CDH13: variants seen among roughly 807,000 people sequenced by gnomAD.
CDH13 encodes the protein cadherin 13.
CDH13 carries 24 observed loss-of-function variants against 63.8 expected under a neutral mutation model. The ratio of observed to expected loss-of-function variants is 0.38; its 90% CI spans 0.27 to 0.53. CDH13 has a LOEUF of 0.53. Among genes scored for constraint, CDH13 ranks in the 20% least tolerant of loss-of-function variants. The pLI is 0.85. For missense variants in CDH13, 1,049 were observed against 903.1 expected (o/e 1.16, Z -2.07); for synonymous variants, 503 against 355.3 (o/e 1.42, Z -4.67).
At chr16:82,938,919 G>C (rs990601911) in intron 2 of CDH13, among the ~76,000 whole-genome samples, 1 of 152,104 alleles carries the variant, frequency 6.6e-6, no homozygotes, top group African/African-American at 2.4e-5. Flanking sequence ...AAAGGGTGTT[G>C]ATTTGGGAAC....
chr16:83,754,066 C>T (rs1002008289), intron 11 of CDH13, among the ~76,000 whole-genome samples: 1 of 151,962 alleles, frequency 6.6e-6, no homozygotes, highest in Admixed American at 6.6e-5. Flanking sequence ...TCACAGGGAG[C>T]TTTTGTGACA....
chr16:83,022,669 T>C (rs1915451242), intron 2 of CDH13, among the ~76,000 whole-genome samples: 1 of 152,162 alleles, frequency 6.6e-6, no homozygotes, highest in Admixed American at 6.5e-5. Context: ...GGGTGACTGA[T>C]TCAGAGCCTG....
At chr16:83,172,926 T>C (rs1195097409) in intron 4 of CDH13, among the ~76,000 whole-genome samples, 2 of 152,066 alleles carry the variant, frequency 1.3e-5, no homozygotes, top group Non-Finnish European at 2.9e-5. Context: ...GTCAAAGGGA[T>C]TTATTTGATG....
chr16:83,520,559 C>A (rs74657992), intron 7 of CDH13, among the ~76,000 whole-genome samples: 3 of 152,122 alleles, frequency 2.0e-5, no homozygotes, highest in African/African-American at 7.2e-5. Context: ...TGTGTCTCGA[C>A]GTCATTGCAT....
At chr16:82,793,833 A>G (rs1338545874) in intron 1 of CDH13, among the ~76,000 whole-genome samples, 1 of 152,172 alleles carries the variant, frequency 6.6e-6, no homozygotes, top group East Asian at 1.9e-4. Flanking sequence ...GCAACACTTG[A>G]AGCAGGAAGA....
intron 4 of CDH13, among the ~76,000 whole-genome samples, chr16:83,193,551 C>G (rs1482935513): frequency 6.6e-6 from 1 of 152,174 alleles, no homozygotes. Flanking sequence ...GCAGTGGAAG[C>G]CTGTGTGGTC....
At chr16:82,974,198 C>G (rs1416917319) in intron 2 of CDH13, among the ~76,000 whole-genome samples, 1 of 152,228 alleles carries the variant, frequency 6.6e-6, no homozygotes, top group Non-Finnish European at 1.5e-5. Flanking sequence ...CTCGGCCTCA[C>G]AAAGTGCTAG....
At chr16:83,146,796 C>T (rs555235607) in intron 4 of CDH13, among the ~76,000 whole-genome samples, 1 of 152,128 alleles carries the variant, frequency 6.6e-6, no homozygotes, top group African/African-American at 2.4e-5. Flanking sequence ...TTTAAAAAGG[C>T]CAGGGATGGG....
chr16:82,667,362 G>A (rs1912714069), intron 1 of CDH13, among the ~76,000 whole-genome samples: 1 of 152,218 alleles, frequency 6.6e-6, no homozygotes, highest in Non-Finnish European at 1.5e-5. Flanking sequence ...CCATCCCCAA[G>A]TGCAACTGAT....
chr16:83,148,826 A>G (rs1335511211), intron 4 of CDH13, among the ~76,000 whole-genome samples: 1 of 152,136 alleles, frequency 6.6e-6, no homozygotes, highest in African/African-American at 2.4e-5. Flanking sequence ...TCATTCAAAA[A>G]TATTTACTCT....
At position 82,866,961 on chromosome 16, in the gene CDH13, G is replaced by A. The variant is rs539789667; in HGVS notation, c.157+8488G>A. 3.1e-3 allele frequency among the ~76,000 whole-genome samples: 474 copies of A among 152,278 alleles called. 2 individuals carry two copies. The highest frequency in any genetic ancestry group is 0.01 in the African/African-American group (422 of 41,556). On this transcript the variant is annotated intron_variant, in intron 2 of 13. Transcript: ENST00000567109. ...CAGTTCAAGATGAGATTTGGGTGGG[G>A]CCACAAAGCCTAACCATATTAGGAA...
chr16:83,074,677 C>T (rs1314707765), intron 3 of CDH13, among the ~76,000 whole-genome samples: 1 of 152,204 alleles, frequency 6.6e-6, no homozygotes, highest in Non-Finnish European at 1.5e-5. Flanking sequence ...TTTGCAATGA[C>T]TGATTTCTAT....
At chr16:83,012,071 A>G (rs1464931402) in intron 2 of CDH13, among the ~76,000 whole-genome samples, 1 of 152,190 alleles carries the variant, frequency 6.6e-6, no homozygotes, top group East Asian at 1.9e-4. Flanking sequence ...ACCATTTGAA[A>G]GTTGAAAGAG....
intron 3 of CDH13, among the ~76,000 whole-genome samples, chr16:83,095,380 C>A (rs751898342): frequency 1.6e-4 from 24 of 152,096 alleles, no homozygotes; most frequent in Non-Finnish European, 2.8e-4. Context: ...TACTAAATGC[C>A]ATATGGTTTT....
intron 5 of CDH13, among the ~76,000 whole-genome samples, chr16:83,249,943 T>A (rs1220354082): frequency 6.6e-6 from 1 of 152,216 alleles, no homozygotes; most frequent in African/African-American, 2.4e-5. Flanking sequence ...TTTCTACAAA[T>A]GTTTGACTAA....
intron 2 of CDH13, among the ~76,000 whole-genome samples, chr16:82,916,564 ACT>A (rs1445789213): frequency 9.9e-5 from 14 of 141,248 alleles, no homozygotes; most frequent in Admixed American, 8.9e-4. Context: ...ACAGGGTGAG[ACT>A]CTGTCTCAAA....
chr16:82,887,967 C>G (rs1011703745), intron 2 of CDH13, among the ~76,000 whole-genome samples: 1 of 152,094 alleles, frequency 6.6e-6, no homozygotes, highest in African/African-American at 2.4e-5. Flanking sequence ...TGATTCTGAA[C>G]TTAAACAGCT....
At chr16:83,320,387 T>C (rs186283867) in intron 5 of CDH13, among the ~76,000 whole-genome samples, 124 of 152,276 alleles carry the variant, frequency 8.1e-4, no homozygotes, top group African/African-American at 2.9e-3. Flanking sequence ...ACAGGACTTA[T>C]TGTCCCAAGA....
chr16:83,553,544 G>C (rs2075548388), intron 7 of CDH13, among the ~76,000 whole-genome samples: 1 of 151,986 alleles, frequency 6.6e-6, no homozygotes, highest in South Asian at 2.1e-4. Context: ...CAAAGTGATG[G>C]GTTTTTTTTG....
Sources: allele counts gnomAD v4.1 joint callset (sites outside exome capture counted in the v4.1 genomes callset), GRCh38; gene constraint gnomAD v4.1.1; transcripts MANE v1.5; gene names NCBI Gene and HGNC (gene_info 2026-07-23, HGNC 2026-07-21).